RIN3: variants seen among roughly 807,000 people sequenced by gnomAD.
The protein encoded by RIN3 is RAB5 interacting protein 3.
In RIN3, 54 loss-of-function variants were observed where a neutral mutation model predicts 76.3. The observed-to-expected ratio is 0.71, with a 90% confidence interval of 0.57 to 0.89. RIN3 has a LOEUF of 0.89. Ranked by LOEUF, RIN3 falls within the 40% of genes least tolerant of loss-of-function variation. The pLI is 0.00. For missense variants in RIN3, 1,256 were observed against 1,322.1 expected (o/e 0.95, Z 0.78); for synonymous variants, 576 against 564.0 (o/e 1.02, Z -0.30).
At chr14:92,686,925 A>T (rs1888879277) in intron 9 of RIN3, 1 of 152,296 alleles carries the variant, frequency 6.6e-6, no homozygotes, top group Admixed American at 6.5e-5. Context: ...CCCTCCTGGA[A>T]GAAATGGGCG....
chr14:92,653,643 C>T (rs535059905), intron 6 of RIN3, among the ~76,000 whole-genome samples: 7 of 152,300 alleles, frequency 4.6e-5, no homozygotes, highest in East Asian at 3.9e-4. Context: ...TCACCAGCCT[C>T]GAATCCAATA....
chr14:92,578,623 A>G (rs1898334506), intron 3 of RIN3, among the ~76,000 whole-genome samples: 1 of 152,160 alleles, frequency 6.6e-6, no homozygotes, highest in Non-Finnish European at 1.5e-5. Context: ...TTTTAAAGAC[A>G]GTTTGGCGGG....
intron 9 of RIN3, 110 bp from the exon 10 acceptor site, chr14:92,687,816 C>T (rs1888921421): frequency 2.0e-6 from 2 of 1,001,130 alleles, no homozygotes; most frequent in Admixed American, 6.9e-5. Flanking sequence ...GACTCGCAGA[C>T]AGCTTGGCGC....
At chr14:92,646,283 G>C (rs994509254) in intron 5 of RIN3, among the ~76,000 whole-genome samples, 2 of 152,202 alleles carry the variant, frequency 1.3e-5, no homozygotes, top group Non-Finnish European at 2.9e-5. Flanking sequence ...AAAACAGCAT[G>C]GCGCCCTTTT....
At chr14:92,653,398 G>T (rs1025496225) in intron 6 of RIN3, among the ~76,000 whole-genome samples, 5 of 152,218 alleles carry the variant, frequency 3.3e-5, no homozygotes, top group Admixed American at 6.5e-5. Flanking sequence ...CAGGACCACT[G>T]TGTGGTGCAG....
At chr14:92,687,829 G>GC (rs2140182105) in intron 9 of RIN3, 97 bp from the exon 10 acceptor site, 1 of 1,162,174 alleles carries the variant, frequency 8.6e-7, no homozygotes, top group East Asian at 3.0e-5. Context: ...CTTGGCGCCC[G>GC]CCACCCGCTA....
intron 2 of RIN3, among the ~76,000 whole-genome samples, chr14:92,565,887 C>T (rs184553962): frequency 4.6e-5 from 7 of 152,274 alleles, no homozygotes; most frequent in East Asian, 1.9e-4. Context: ...GCAGCCCAGC[C>T]GGTCTCAGCT....
At position 92,514,037 on chromosome 14, in the gene RIN3, C is replaced by T; in HGVS notation, c.44+61C>T. ...TCCCCACGGCCCGCGTCCTGGCCGC[C>T]CCACTCCACTTCTTGTCCCAGAGAG... On this transcript the variant is annotated intron_variant, in intron 1 of 9. Transcript: ENST00000216487. The surrounding 1 kb of genome is among the most constrained non-coding windows in gnomAD (Gnocchi z 7.2). The T allele has an allele frequency of 2.7e-6, 3 of 1,100,348 alleles. No individual in the cohort carries two copies. Among genetic ancestry groups the T allele is most frequent in the Non-Finnish European group, 3.5e-6 (3 of 866,046 alleles). 68.2% of individuals were successfully genotyped at this position (1,100,348 alleles called of 1,614,324 possible). A position where few individuals can be genotyped will look rare whatever the true frequency, so the allele number is the denominator to read the frequency against.
At chr14:92,526,253 C>T (rs878892528) in intron 1 of RIN3, among the ~76,000 whole-genome samples, 2 of 151,790 alleles carry the variant, frequency 1.3e-5, no homozygotes, top group Non-Finnish European at 2.9e-5. Context: ...CTCAGGAGTT[C>T]GAGACCAGCC....
chr14:92,521,964 T>C (rs1330851016), intron 1 of RIN3, among the ~76,000 whole-genome samples: 1 of 151,974 alleles, frequency 6.6e-6, no homozygotes, highest in East Asian at 1.9e-4. Flanking sequence ...GAGAAGCGTA[T>C]TGCAGATAGG....
chr14:92,671,787 G>A (rs1888297550), intron 7 of RIN3, among the ~76,000 whole-genome samples: 1 of 152,198 alleles, frequency 6.6e-6, no homozygotes, highest in African/African-American at 2.4e-5. Flanking sequence ...TGGCCCTGTG[G>A]ACATTTGGGG....
intron 1 of RIN3, among the ~76,000 whole-genome samples, chr14:92,524,237 C>G (rs928763886): frequency 3.9e-5 from 6 of 152,142 alleles, no homozygotes; most frequent in Non-Finnish European, 5.9e-5. Flanking sequence ...GGCCCAGTTT[C>G]AACAATGCCT....
chr14:92,571,018 T>C (rs556759804), intron 2 of RIN3, among the ~76,000 whole-genome samples: 4 of 152,330 alleles, frequency 2.6e-5, no homozygotes, highest in South Asian at 2.1e-4. Flanking sequence ...TAACTGGAGG[T>C]GTAAACAGAC....
At chr14:92,544,146 A>G (rs1224245386) in intron 1 of RIN3, among the ~76,000 whole-genome samples, 1 of 152,044 alleles carries the variant, frequency 6.6e-6, no homozygotes, top group African/African-American at 2.4e-5. Flanking sequence ...CCTGCTTTAC[A>G]CAAGAGGACT....
intron 2 of RIN3, among the ~76,000 whole-genome samples, chr14:92,563,220 G>A (rs1472807933): frequency 6.6e-6 from 1 of 152,152 alleles, no homozygotes. Context: ...AAATAGCCAG[G>A]AGTAGTGGCA....
intron 8 of RIN3, among the ~76,000 whole-genome samples, chr14:92,683,820 A>T (rs941385428): frequency 3.3e-5 from 5 of 152,244 alleles, no homozygotes; most frequent in Non-Finnish European, 7.3e-5. Flanking sequence ...CCATAATTAA[A>T]ATTTCCTCTC....
chr14:92,686,415 A>G (rs913396458), intron 9 of RIN3: 6 of 152,266 alleles, frequency 3.9e-5, no homozygotes, highest in African/African-American at 1.2e-4. Flanking sequence ...TCCATGGCCA[A>G]CTTCAACTTG....
chr14:92,601,873 A>G (rs1885358083), intron 3 of RIN3, among the ~76,000 whole-genome samples: 1 of 152,226 alleles, frequency 6.6e-6, no homozygotes, highest in African/African-American at 2.4e-5. Flanking sequence ...ATCTGAACCT[A>G]TAAATAGCTC....
intron 9 of RIN3, 163 bp from the exon 10 acceptor site, chr14:92,687,763 C>A: frequency 4.9e-6 from 3 of 612,306 alleles, no homozygotes; most frequent in Non-Finnish European, 8.0e-6. Flanking sequence ...GGGGACGGGC[C>A]CCCCGCAGGC....
Sources: gnomAD v4.1 joint callset for allele counts (sites outside exome capture counted in the v4.1 genomes callset) on GRCh38, gnomAD v4.1.1 for gene constraint, Gnocchi (gnomAD v3.1) non-coding constraint, MANE v1.5 for transcripts, NCBI Gene and HGNC (gene_info 2026-07-23, HGNC 2026-07-21) for gene names.